The following CROCC variants were observed in gnomAD, a reference collection of about 807,000 sequenced individuals.
CROCC encodes rootletin.
CROCC carries 180 observed loss-of-function variants against 245.2 expected under a neutral mutation model. That is an observed-to-expected ratio of 0.73 (90% CI 0.65 to 0.83). The LOEUF (loss-of-function observed/expected upper bound fraction) is 0.83. Ranked by LOEUF, CROCC falls within the 40% of genes least tolerant of loss-of-function variation. The probability of loss-of-function intolerance (pLI) is 0.00; values close to 1 mark genes in which losing one functional copy is unlikely to be tolerated. For synonymous variants in CROCC, 1,205 were observed against 1,241.6 expected (o/e 0.97, Z 0.62); for missense variants, 2,688 against 2,779.4 (o/e 0.97, Z 0.74).
intron 1 of CROCC, 132 bp downstream of exon 1, chr1:16,922,210 C>T (rs1173669418): frequency 3.2e-6 from 3 of 940,058 alleles, no homozygotes; most frequent in African/African-American, 3.3e-5. Context: ...ATACAGGGGC[C>T]CCCCGCTTGC....
chr1:16,936,624 C>A lies in CROCC; in HGVS notation c.957-13C>A. 6.4e-7 allele frequency: 1 copy of A among 1,571,546 alleles called. No homozygotes were observed. The highest frequency in any genetic ancestry group is 8.6e-7 in the Non-Finnish European group (1 of 1,157,838). ...AAGCCCCATCCATCCCCAGCCTGTG[C>A]TCTCTCCCGAAGGGACCTGCTGCAG... On this transcript the variant is annotated splice_polypyrimidine_tract_variant and intron_variant, in intron 8 of 36. Coordinates refer to ENST00000375541, the MANE Select transcript of CROCC (RefSeq NM_014675.5).
intron 25 of CROCC, among the ~76,000 whole-genome samples, chr1:16,956,882 C>A (rs2076257803): frequency 6.6e-6 from 1 of 152,188 alleles, no homozygotes; most frequent in African/African-American, 2.4e-5. Context: ...CTACTGGGCA[C>A]TGGCCTGGAC....
intron 23 of CROCC, 54 bp from the exon 24 acceptor site, chr1:16,955,258 G>C: frequency 6.4e-7 from 1 of 1,560,856 alleles, no homozygotes; most frequent in South Asian, 1.1e-5. Flanking sequence ...ACAAGACCCA[G>C]CTTGACGGGG....
rs367651163 is a variant in CROCC at position 16,970,355 on chromosome 1, C to G, written c.5554C>G (p.Arg1852Gly). 1 of 1,594,802 alleles carries G rather than the reference C, an allele frequency of 6.3e-7. No individual in the cohort carries two copies. Residue 1852 changes from arginine (R) to glycine (G), a missense_variant, in exon 34 of 37, where the codon CGC (arginine) becomes GGC (glycine). This residue lies in a region of CROCC where 1,218 missense variants were observed against 1,286.3 expected (regional missense o/e 0.95). Coordinates refer to ENST00000375541, the MANE Select transcript of CROCC (RefSeq NM_014675.5). ...GCAGGAGCGCCTGGGAAGCCTGCAGCGCGCCCTGGCTCAGCTGGAAGCTGA... is the reference window on the plus strand; with the variant it reads ...GCAGGAGCGCCTGGGAAGCCTGCAGGGCGCCCTGGCTCAGCTGGAAGCTGA... ...LLQERLGSLQRALAQLEAEKR... is the reference protein window; with the variant it reads ...LLQERLGSLQGALAQLEAEKR...
Position 16,953,421 on chromosome 1 carries a change from T to G in CROCC, c.3126T>G (p.Ile1042Met), listed in dbSNP as rs2076196556. Residue 1042 changes from isoleucine (I) to methionine (M), a missense_variant, in exon 21 of 37, where the codon ATT becomes ATG. By Grantham distance (10) the Ile-to-Met change is conservative. This residue lies in a region of CROCC where 106 missense variants were observed against 126.1 expected (regional missense o/e 0.84). Coordinates refer to ENST00000375541, the MANE Select transcript of CROCC (RefSeq NM_014675.5). ...AGAAGGAAGAGCTGAGTGAGGAGAT[T>G]GCTGCCCTGCAGCAGGAGCGCGACG... ...EAEKEELSEE[I>M]AALQQERDEG... 6.2e-7 allele frequency: 1 copy of G among 1,610,920 alleles called. No homozygotes were observed. The highest frequency in any genetic ancestry group is 8.5e-7 in the Non-Finnish European group (1 of 1,179,902).
At chr1:16,931,533 G>GTAA in intron 8 of CROCC, 136 bp downstream of exon 8, 1 of 742,456 alleles carries the variant, frequency 1.3e-6, no homozygotes, top group Non-Finnish European at 2.3e-6. Flanking sequence ...GAGGCAACTT[G>GTAA]TAATAACCAT....
At position 16,961,130 on chromosome 1, in the gene CROCC, G is replaced by A; in HGVS notation, c.4405G>A (p.Gly1469Arg). ...CCCTGCCCGGGACGCACCCGCAGAA[G>A]GTAAGGGCAGTGCCGCGCGCAGGGA... Reference protein sequence around the residue: ...GSPARDAPAEGSGEGLNSPST... With the variant: ...GSPARDAPAERSGEGLNSPST... The change falls in exon 27 of 37, where the codon GGA (glycine) becomes AGA (arginine). Residue 1469 changes from glycine to arginine, a missense_variant and splice_region_variant. Physicochemically the swap from Gly to Arg is moderately radical, Grantham distance 125. Coordinates refer to ENST00000375541, the MANE Select transcript of CROCC (RefSeq NM_014675.5). 7.5e-7 allele frequency: 1 copy of A among 1,337,814 alleles called. No homozygotes were observed. The highest frequency in any genetic ancestry group is 9.5e-7 in the Non-Finnish European group (1 of 1,048,952). 82.9% of individuals were successfully genotyped at this position (1,337,814 alleles called of 1,614,324 possible).
chr1:16,939,234 G>T lies in CROCC; in HGVS notation c.1608+92G>T, dbSNP rs1383330203. 6 of 1,030,466 alleles carry T rather than the reference G, an allele frequency of 5.8e-6. No individual in the cohort carries two copies. The African/African-American group carries it at 8.5e-5, about 15-fold the overall frequency. 63.8% of individuals were successfully genotyped at this position (1,030,466 alleles called of 1,614,324 possible). Reference sequence around the variant, plus strand: ...TGGGGGCGGGGGCGGGGGCAGGTCCGGGGCCAGGGTCCGAGGGAGGAGTCT... The same window carrying T: ...TGGGGGCGGGGGCGGGGGCAGGTCCTGGGCCAGGGTCCGAGGGAGGAGTCT... On this transcript the variant is annotated intron_variant, in intron 12 of 36. Transcript: ENST00000375541.
chr1:16,927,108 C>G (rs199718966), intron 3 of CROCC, among the ~76,000 whole-genome samples: 12 of 152,110 alleles, frequency 7.9e-5, no homozygotes, highest in African/African-American at 2.9e-4. Flanking sequence ...GGGCCCCACA[C>G]AGACACACAG....
chr1:16,958,875 G>A (rs1002488765), intron 26 of CROCC, 125 bp downstream of exon 26: 15 of 1,097,302 alleles, frequency 1.4e-5, no homozygotes, highest in Non-Finnish European at 1.8e-5. Context: ...CCCACTCCTT[G>A]AGACTCTTCC....
At chr1:16,969,717 G>A (rs906576329) in intron 32 of CROCC, 68 bp from the exon 33 acceptor site, 48 of 1,547,988 alleles carry the variant, frequency 3.1e-5, no homozygotes, top group Non-Finnish European at 4.1e-5. Flanking sequence ...CCTGTCCAGA[G>A]GTACAGAATA....
chr1:16,971,052 T>G, intron 35 of CROCC: 1 of 448,064 alleles, frequency 2.2e-6, no homozygotes, highest in Non-Finnish European at 3.9e-6. Flanking sequence ...AGCATGAATC[T>G]TGTGCATGGT....
chr1:16,914,303 C>G (rs2075281535), intron 1 of CROCC, among the ~76,000 whole-genome samples: 1 of 152,194 alleles, frequency 6.6e-6, no homozygotes, highest in Non-Finnish European at 1.5e-5. Flanking sequence ...GCGTTCCCAA[C>G]AGGCTCCGCG....
chr1:16,970,552 G>C, intron 34 of CROCC, 84 bp from the exon 35 acceptor site: 9 of 1,475,174 alleles, frequency 6.1e-6, no homozygotes, highest in Non-Finnish European at 8.1e-6. Flanking sequence ...GGTGGGGTTA[G>C]GTTATTCCAT....
rs1362844846 is a variant in CROCC, at chr1:16,942,207, CG to C, written c.1809-1892del. 3.3e-5 allele frequency among the ~76,000 whole-genome samples: 5 copies of C among 152,190 alleles called. No homozygotes were observed. The East Asian group carries it at 9.6e-4, about 29-fold the overall frequency. ...TCTGTTTTTTGTAGAGATAGGGTTT[CG>C]CCATGTTGCCCAGGCTGATCTCTAA... On this transcript the variant is annotated intron_variant, in intron 13 of 36. Coordinates refer to ENST00000375541, the MANE Select transcript of CROCC (RefSeq NM_014675.5).
At chr1:16,965,686 C>T in intron 27 of CROCC, 37 bp from the exon 28 acceptor site, 1 of 1,474,630 alleles carries the variant, frequency 6.8e-7, no homozygotes, top group Non-Finnish European at 9.4e-7. Context: ...AGGCCCGTGG[C>T]TTCTGCATCA....
intron 12 of CROCC, among the ~76,000 whole-genome samples, chr1:16,939,652 G>T (rs1358384798): frequency 2.0e-5 from 3 of 152,222 alleles, no homozygotes; most frequent in Non-Finnish European, 4.4e-5. Flanking sequence ...CTGGCATCCG[G>T]GGGGCTTTGA....
rs1481663925 is a variant in CROCC, at chr1:16,969,787, A to T, written c.5304A>T (p.Glu1768Asp). Reference protein sequence around the residue: ...ACEHDRQVLQERLDAARQALS... With the variant: ...ACEHDRQVLQDRLDAARQALS... ...CACCATCAGCCCCTGTCCCCCAGGAACGGCTGGATGCCGCCCGGCAGGCAT... is the reference window on the plus strand; with the variant it reads ...CACCATCAGCCCCTGTCCCCCAGGATCGGCTGGATGCCGCCCGGCAGGCAT... The change falls in exon 33 of 37, where the codon GAA becomes GAT. Residue 1768 changes from glutamate (E) to aspartate (D), a missense_variant and splice_region_variant. Physicochemically the swap from Glu to Asp is conservative, Grantham distance 45. Transcript: ENST00000375541. The T allele has an allele frequency of 6.2e-7, 1 of 1,612,324 alleles. No individual in the cohort carries two copies. The highest frequency in any genetic ancestry group is 2.2e-5 in the East Asian group (1 of 44,854).
Position 16,938,408 on chromosome 1 carries a change from G to T in CROCC, c.1299G>T (p.Leu433=). Reference sequence around the variant, plus strand: ...CCCTAACCGCACTCCAGGAATCCCTGCGGCTACAGGAGCAGGCGGCCCTGG... The same window carrying T: ...CCCTAACCGCACTCCAGGAATCCCTTCGGCTACAGGAGCAGGCGGCCCTGG... ...LTEKLEALES[L]RLQEQAALET... The change falls in exon 11 of 37, where the codon CTG becomes CTT. Residue 433 remains leucine (L), a synonymous_variant. Transcript: ENST00000375541. 1.9e-6 allele frequency: 3 copies of T among 1,566,616 alleles called. No homozygotes were observed. The highest frequency in any genetic ancestry group is 2.6e-6 in the Non-Finnish European group (3 of 1,156,274).
Sources: gnomAD v4.1 joint callset for allele counts (sites outside exome capture counted in the v4.1 genomes callset) on GRCh38, gnomAD v4.1.1 for gene constraint, gnomAD v4.1.1 regional missense constraint, MANE v1.5 for transcripts, NCBI Gene and HGNC (gene_info 2026-07-23, HGNC 2026-07-21) for gene names.